EVA1A: variants seen among roughly 807,000 people sequenced by gnomAD.
EVA1A encodes the protein protein eva-1 homolog A.
In EVA1A, 7 loss-of-function variants were observed where a neutral mutation model predicts 9.8. The observed-to-expected ratio is 0.71, with a 90% confidence interval of 0.41 to 1.34. EVA1A has a LOEUF of 1.34. Among genes scored for constraint, EVA1A ranks in the 40% most tolerant of loss-of-function variants. EVA1A has a pLI of 0.01. For missense variants in EVA1A, 206 were observed against 205.9 expected (o/e 1.00, Z 0.00); for synonymous variants, 90 against 85.6 (o/e 1.05, Z -0.28).
Position 75,560,869 on chromosome 2 carries a change from T to G in EVA1A, c.-381A>C. On this transcript the variant is annotated 5_prime_UTR_variant, in exon 1 of 4. Transcript: ENST00000393913. ...CGGGGTCAGGGCTGGCCTGGGGATG[T>G]GGGGTCCCGGCCTGGGTGCTCACGG... is the stretch of plus-strand genomic sequence containing the variant. The G allele has an allele frequency of 6.5e-6, 1 of 152,904 alleles. No individual in the cohort carries two copies. Among genetic ancestry groups the G allele is most frequent in the Non-Finnish European group, 1.5e-5 (1 of 68,508 alleles). The allele number at this position is 152,904 out of a possible 1,614,324, so 9.5% of individuals were successfully genotyped here.
At chr2:75,541,942 T>G (rs929595521) in intron 1 of EVA1A, 2 of 152,240 alleles carry the variant, frequency 1.3e-5, no homozygotes, top group Admixed American at 6.5e-5. Context: ...GATTTGGCTC[T>G]GTGTCCCCAA....
intron 2 of EVA1A, chr2:75,518,564 A>G: frequency 1.0e-6 from 1 of 983,398 alleles, no homozygotes; most frequent in Non-Finnish European, 1.2e-6. Context: ...GAAACTCCTT[A>G]CATCCCTGAT....
intron 1 of EVA1A, among the ~76,000 whole-genome samples, chr2:75,554,524 C>A (rs906821068): frequency 6.6e-6 from 1 of 152,196 alleles, no homozygotes; most frequent in Non-Finnish European, 1.5e-5. Context: ...TTTTCGAAAG[C>A]AGATTTTCTA....
intron 1 of EVA1A, chr2:75,558,630 G>C (rs1408985340): frequency 6.6e-6 from 1 of 152,236 alleles, no homozygotes; most frequent in African/African-American, 2.4e-5. Flanking sequence ...CCCAAAAGGA[G>C]ACTTAACTTC....
chr2:75,523,631 T>C (rs942181188), intron 1 of EVA1A, among the ~76,000 whole-genome samples: 7 of 152,162 alleles, frequency 4.6e-5, no homozygotes, highest in Admixed American at 6.5e-5. Context: ...CTCCCAACCA[T>C]CACAGTGAAT....
At chr2:75,497,532 C>A (rs903394771) in intron 3 of EVA1A, among the ~76,000 whole-genome samples, 1 of 151,876 alleles carries the variant, frequency 6.6e-6, no homozygotes, top group Non-Finnish European at 1.5e-5. Context: ...TAAAAAAATA[C>A]CATGTTGACA....
chr2:75,555,830 T>C (rs1676692873), intron 1 of EVA1A, among the ~76,000 whole-genome samples: 1 of 152,186 alleles, frequency 6.6e-6, no homozygotes, highest in African/African-American at 2.4e-5. Context: ...CTCTTACACA[T>C]GCTGTTTCCT....
chr2:75,543,968 T>C (rs569739414), intron 1 of EVA1A, among the ~76,000 whole-genome samples: 2 of 152,308 alleles, frequency 1.3e-5, no homozygotes, highest in South Asian at 4.1e-4. Flanking sequence ...TCAAATTACA[T>C]TTAAAAATAT....
chr2:75,521,511 A>G (rs1392284003), intron 2 of EVA1A, among the ~76,000 whole-genome samples: 2 of 152,246 alleles, frequency 1.3e-5, no homozygotes, highest in African/African-American at 2.4e-5. Flanking sequence ...AGCCTTAAAA[A>G]GGAAGGCATA....
Position 75,518,209 on chromosome 2 carries a change from C to T in EVA1A, c.-68-1G>A. ...ACGTGGCCACTCTCCTTCTTCTCTT[C>T]TGTTTGGGAACATAAAGTGAGTGAT... On this transcript the variant is annotated splice_acceptor_variant, in intron 2 of 3. Coordinates refer to ENST00000393913, the MANE Select transcript of EVA1A (RefSeq NM_001135032.2). LOFTEE classifies it low-confidence loss of function (5UTR_SPLICE). The T allele has an allele frequency of 6.3e-7, 1 of 1,587,596 alleles. No homozygotes were observed. The highest frequency in any genetic ancestry group is 1.3e-5 in the African/African-American group (1 of 74,102).
chr2:75,495,109 C>G (rs1305380271), intron 3 of EVA1A, among the ~76,000 whole-genome samples: 1 of 152,126 alleles, frequency 6.6e-6, no homozygotes, highest in East Asian at 1.9e-4. Context: ...TCCCCTGAGT[C>G]CCCACAGTCT....
intron 1 of EVA1A, among the ~76,000 whole-genome samples, chr2:75,568,040 A>G (rs2104011492): frequency 6.6e-6 from 1 of 152,342 alleles, no homozygotes; most frequent in Non-Finnish European, 1.5e-5. Context: ...TCCCAGAAGC[A>G]TAAGGTTTAC....
chr2:75,540,127 C>A (rs1225100254), intron 1 of EVA1A, among the ~76,000 whole-genome samples: 1 of 152,220 alleles, frequency 6.6e-6, no homozygotes, highest in African/African-American at 2.4e-5. Context: ...GGGAAGGCAG[C>A]CTTCCAGGTC....
At chr2:75,519,242 G>A (rs774575494) in intron 2 of EVA1A, among the ~76,000 whole-genome samples, 4 of 152,166 alleles carry the variant, frequency 2.6e-5, no homozygotes, top group Non-Finnish European at 4.4e-5. Flanking sequence ...CAGCTCATTC[G>A]ATGCTGCTAT....
upstream of EVA1A, among the ~76,000 whole-genome samples, chr2:75,564,276 C>A (rs1013944946): frequency 6.6e-6 from 1 of 152,196 alleles, no homozygotes; most frequent in Non-Finnish European, 1.5e-5. Flanking sequence ...ACAGGCACAG[C>A]GTACAGCTCC....
At chr2:75,495,945 C>T (rs543348815) in intron 3 of EVA1A, among the ~76,000 whole-genome samples, 2 of 152,170 alleles carry the variant, frequency 1.3e-5, no homozygotes, top group Non-Finnish European at 2.9e-5. Flanking sequence ...GGTACTGTTA[C>T]ATCCCTAGGC....
chr2:75,493,931 G>A (rs1160511165), intron 3 of EVA1A, among the ~76,000 whole-genome samples: 1 of 152,212 alleles, frequency 6.6e-6, no homozygotes, highest in Non-Finnish European at 1.5e-5. Flanking sequence ...GGTGTCATTT[G>A]TTTAAGAGAT....
chr2:75,503,050 C>T (rs1414272976), intron 3 of EVA1A, among the ~76,000 whole-genome samples: 1 of 152,190 alleles, frequency 6.6e-6, no homozygotes, highest in East Asian at 1.9e-4. Context: ...CCTCCCAGAT[C>T]AGAAAACATC....
At chr2:75,552,595 A>G (rs1449178003) in intron 1 of EVA1A, among the ~76,000 whole-genome samples, 2 of 152,226 alleles carry the variant, frequency 1.3e-5, no homozygotes, top group African/African-American at 2.4e-5. Context: ...AGTCACAACA[A>G]TATTAAAAAT....
Sources: gnomAD v4.1 joint callset for allele counts (sites outside exome capture counted in the v4.1 genomes callset) on GRCh38, gnomAD v4.1.1 for gene constraint, MANE v1.5 for transcripts, NCBI Gene and HGNC (gene_info 2026-07-23, HGNC 2026-07-21) for gene names.